FKBP5: variants seen among roughly 807,000 people sequenced by gnomAD.
FKBP5 encodes the protein FKBP prolyl isomerase 5, also known as peptidyl-prolyl cis-trans isomerase FKBP5.
FKBP5 carries 23 observed loss-of-function variants against 50.5 expected under a neutral mutation model. The observed-to-expected ratio is 0.46, with a 90% CI of 0.33 to 0.65. The LOEUF (loss-of-function observed/expected upper bound fraction) is 0.65, where lower values mean the gene tolerates loss of function less well. Ranked by LOEUF, FKBP5 falls within the 30% of genes least tolerant of loss-of-function variation. FKBP5 has a pLI of 0.02. For missense variants in FKBP5, 411 were observed against 553.1 expected (o/e 0.74, Z 2.58); for synonymous variants, 176 against 190.6 (o/e 0.92, Z 0.63).
At chr6:35,693,141 A>G (rs1438152778), upstream of FKBP5, among the ~76,000 whole-genome samples, 1 of 122,524 alleles carries the variant, frequency 8.2e-6, no homozygotes, top group African/African-American at 3.0e-5. Flanking sequence ...TGGTTATTCT[A>G]TTCTTTTTCT....
intron 7 of FKBP5, among the ~76,000 whole-genome samples, chr6:35,589,085 T>C (rs1023447450): frequency 3.4e-4 from 47 of 137,504 alleles, no homozygotes; most frequent in African/African-American, 1.3e-3. Flanking sequence ...TATTTATATA[T>C]ATATTTTTAT....
chr6:35,648,758 G>T (rs892018575), intron 1 of FKBP5, among the ~76,000 whole-genome samples: 3 of 152,084 alleles, frequency 2.0e-5, no homozygotes, highest in Non-Finnish European at 4.4e-5. Flanking sequence ...AGACAAGCCT[G>T]GCTAATATGG....
chr6:35,586,018 T>C (rs1310625701), intron 8 of FKBP5: 8 of 985,286 alleles, frequency 8.1e-6, no homozygotes, highest in African/African-American at 5.2e-5. Context: ...AGTACACTTA[T>C]GCCTCACTGC....
At chr6:35,648,880 C>T (rs1033504645) in intron 1 of FKBP5, among the ~76,000 whole-genome samples, 1 of 151,894 alleles carries the variant, frequency 6.6e-6, no homozygotes, top group Non-Finnish European at 1.5e-5. Flanking sequence ...ACCCTGGAGA[C>T]GGAGGTTGCA....
In FKBP5 at chr6:35,628,715, G is replaced by T. The variant is rs935430504; in HGVS notation, c.250+8299C>A. On this transcript the variant is annotated intron_variant, in intron 3 of 10. Transcript: ENST00000357266. ...TATACCTTTTCCTCATATATTTTAG[G>T]TTTTTTTGTTTTTGTTTTTTTGAGA... Among the ~76,000 whole-genome samples the T allele has an allele frequency of 3.3e-5, 5 of 151,914 alleles. No homozygotes were observed. The South Asian group carries it at 6.2e-4, about 19-fold the overall frequency.
intron 3 of FKBP5, among the ~76,000 whole-genome samples, chr6:35,631,235 A>G (rs781688600): frequency 4.6e-5 from 7 of 152,244 alleles, no homozygotes; most frequent in Non-Finnish European, 8.8e-5. Flanking sequence ...ATGGGTGAAC[A>G]AACTGTGGCA....
At chr6:35,726,279 C>T (rs549248404) in intron 1 of FKBP5, among the ~76,000 whole-genome samples, 48 of 152,224 alleles carry the variant, frequency 3.2e-4, no homozygotes, top group Admixed American at 2.5e-3. Flanking sequence ...GGGTGTAGTA[C>T]GTAGGAGTGG....
intron 2 of FKBP5, among the ~76,000 whole-genome samples, chr6:35,710,863 C>T (rs1766399708): frequency 6.6e-6 from 1 of 152,146 alleles, no homozygotes; most frequent in Admixed American, 6.6e-5. Context: ...ATCTTATAAA[C>T]ATTAAGTTGA....
intron 1 of FKBP5, among the ~76,000 whole-genome samples, chr6:35,723,217 A>G (rs1383764740): frequency 6.6e-6 from 1 of 152,218 alleles, no homozygotes; most frequent in Non-Finnish European, 1.5e-5. Flanking sequence ...TGGGCGACAG[A>G]GCGAGACTCC....
At chr6:35,640,034 T>C (rs1764433496) in intron 2 of FKBP5, among the ~76,000 whole-genome samples, 2 of 152,262 alleles carry the variant, frequency 1.3e-5, no homozygotes, top group Admixed American at 1.3e-4. Flanking sequence ...GATGCTCTGA[T>C]TGTCTCACCA....
chr6:35,700,808 A>C (rs9394311), intron 2 of FKBP5, among the ~76,000 whole-genome samples: 100,986 of 151,660 alleles, frequency 0.67, 33,597 homozygotes, highest in East Asian at 0.68. Context: ...AAATACAACA[A>C]ATTAGCCGGG....
chr6:35,705,258 ATTTTTTT>A (rs199875825), intron 2 of FKBP5, among the ~76,000 whole-genome samples: 43 of 7,656 alleles, frequency 5.6e-3, no homozygotes, highest in East Asian at 0.021. Context: ...ATATATATAT[ATTTTTTT>A]TTTTTTTTTT....
chr6:35,640,625 T>C (rs968958106), intron 2 of FKBP5, among the ~76,000 whole-genome samples: 1 of 152,226 alleles, frequency 6.6e-6, no homozygotes, highest in African/African-American at 2.4e-5. Context: ...ATTTTTACTG[T>C]GTAAACTTTT....
intron 3 of FKBP5, among the ~76,000 whole-genome samples, chr6:35,622,064 G>C (rs1175384152): frequency 6.6e-6 from 1 of 152,186 alleles, no homozygotes; most frequent in Admixed American, 6.5e-5. Flanking sequence ...AATTTGAAGT[G>C]AGCTGGTGGT....
At chr6:35,670,625 G>A (rs1248940685) in intron 1 of FKBP5, among the ~76,000 whole-genome samples, 3 of 151,592 alleles carry the variant, frequency 2.0e-5, no homozygotes, top group Admixed American at 2.0e-4. Flanking sequence ...CCAGCTACTC[G>A]GGAGGCTGAG....
At chr6:35,717,117 T>TA (rs1766525161) in intron 2 of FKBP5, among the ~76,000 whole-genome samples, 2 of 152,036 alleles carry the variant, frequency 1.3e-5, no homozygotes, top group Admixed American at 6.6e-5. Flanking sequence ...TGTCCCAGAG[T>TA]AAACCCACAG....
intron 3 of FKBP5, among the ~76,000 whole-genome samples, chr6:35,622,938 T>C (rs1359298813): frequency 6.6e-6 from 1 of 152,198 alleles, no homozygotes; most frequent in East Asian, 1.9e-4. Flanking sequence ...ATATTAATAG[T>C]TGTTTTAAGA....
intron 3 of FKBP5, among the ~76,000 whole-genome samples, chr6:35,623,196 A>G (rs1763899590): frequency 6.6e-6 from 1 of 152,204 alleles, no homozygotes; most frequent in South Asian, 2.1e-4. Flanking sequence ...GAGCCGAGAT[A>G]GCGCCACTGC....
intron 2 of FKBP5, among the ~76,000 whole-genome samples, chr6:35,704,821 CAT>C (rs1203943244): frequency 4.6e-5 from 7 of 151,830 alleles, no homozygotes; most frequent in African/African-American, 1.5e-4. Context: ...GAGATGATAA[CAT>C]AGTACAAAAC....
Sources: allele counts gnomAD v4.1 joint callset (sites outside exome capture counted in the v4.1 genomes callset), GRCh38; gene constraint gnomAD v4.1.1; transcripts MANE v1.5; gene names NCBI Gene and HGNC (gene_info 2026-07-23, HGNC 2026-07-21).